Variants in ULK4 observed in about 807,000 individuals in gnomAD.
ULK4 encodes unc-51 like kinase 4, also known as inactive serine/threonine-protein kinase ULK4.
ULK4 carries 133 observed loss-of-function variants against 160.6 expected under a neutral mutation model. The ratio of observed to expected loss-of-function variants is 0.83; its 90% confidence interval spans 0.72 to 0.96. The LOEUF (loss-of-function observed/expected upper bound fraction) is 0.96, where lower values mean the gene tolerates loss of function less well. Among genes scored for constraint, ULK4 ranks in the 40% least tolerant of loss-of-function variants. The pLI is 0.00. For synonymous variants in ULK4, 534 were observed against 539.8 expected, an observed-to-expected ratio of 0.99 and a Z score of 0.15; for missense variants, 1,580 against 1,499.5, an observed-to-expected ratio of 1.05 and a Z score of -0.89.
At chr3:41,880,905 AG>A (rs1188522830) in intron 17 of ULK4, among the ~76,000 whole-genome samples, 2 of 152,048 alleles carry the variant, frequency 1.3e-5, no homozygotes, top group Non-Finnish European at 2.9e-5. Flanking sequence ...CCTGGGCAAC[AG>A]AGCGAGACTC....
intron 12 of ULK4, among the ~76,000 whole-genome samples, chr3:41,901,557 C>G (rs1396842347): frequency 7.0e-6 from 1 of 142,030 alleles, no homozygotes; most frequent in African/African-American, 2.5e-5. Flanking sequence ...CTCAGCTCAC[C>G]GCAACCTCTG....
intron 17 of ULK4, among the ~76,000 whole-genome samples, chr3:41,864,101 T>A (rs939547996): frequency 6.6e-6 from 1 of 152,088 alleles, no homozygotes; most frequent in South Asian, 2.1e-4. Context: ...GTGGTACGAT[T>A]TGCAGGAACT....
At chr3:41,372,669 C>T (rs997244026) in intron 35 of ULK4, among the ~76,000 whole-genome samples, 1 of 152,164 alleles carries the variant, frequency 6.6e-6, no homozygotes, top group East Asian at 1.9e-4. Context: ...AAAGCCAGTA[C>T]CAGCCACTGC....
chr3:41,575,046 T>A (rs1386806700), intron 31 of ULK4, among the ~76,000 whole-genome samples: 8 of 152,182 alleles, frequency 5.3e-5, no homozygotes, highest in Non-Finnish European at 1.2e-4. Flanking sequence ...AGACAGCAGA[T>A]GCAGGGGTGT....
intron 27 of ULK4, among the ~76,000 whole-genome samples, chr3:41,701,345 CA>C (rs2036669609): frequency 6.6e-6 from 1 of 152,124 alleles, no homozygotes; most frequent in South Asian, 2.1e-4. Context: ...ACCCAAGGGA[CA>C]AAAACAGAGA....
At chr3:41,689,768 G>A (rs376929826) in intron 27 of ULK4, among the ~76,000 whole-genome samples, 262 of 152,148 alleles carry the variant, frequency 1.7e-3, no homozygotes, top group Middle Eastern at 0.01. Context: ...TTAGAATGGT[G>A]ATCATTAAAA....
intron 34 of ULK4, among the ~76,000 whole-genome samples, chr3:41,447,540 C>T (rs2083328535): frequency 6.6e-6 from 1 of 152,106 alleles, no homozygotes; most frequent in Admixed American, 6.6e-5. Context: ...ATCTGCAGTT[C>T]CGGGGCCTTT....
At chr3:41,828,455 A>G (rs2041451887) in intron 18 of ULK4, among the ~76,000 whole-genome samples, 1 of 143,532 alleles carries the variant, frequency 7.0e-6, no homozygotes. Context: ...GCAAAGTCTC[A>G]GGATACAAAA....
At chr3:41,437,841 T>C (rs1336810410) in intron 34 of ULK4, among the ~76,000 whole-genome samples, 1 of 152,068 alleles carries the variant, frequency 6.6e-6, no homozygotes, top group Admixed American at 6.5e-5. Flanking sequence ...CTTGAAGGGA[T>C]ATAAGGGAGA....
intron 21 of ULK4, among the ~76,000 whole-genome samples, chr3:41,771,835 T>C (rs572048639): frequency 7.9e-5 from 12 of 152,322 alleles, no homozygotes; most frequent in Non-Finnish European, 1.2e-4. Flanking sequence ...GTTTCAAACA[T>C]ACAATAGAGT....
chr3:41,586,335 AT>A (rs915861980), intron 31 of ULK4, among the ~76,000 whole-genome samples: 3 of 152,172 alleles, frequency 2.0e-5, no homozygotes, highest in Non-Finnish European at 4.4e-5. Context: ...AAGTGTTGTT[AT>A]TTGCAACAAC....
At position 41,353,374 on chromosome 3, in the gene ULK4, T is replaced by C. The variant is rs186397246; in HGVS notation, c.3678+44705A>G. Among the ~76,000 whole-genome samples the C allele has an allele frequency of 1.9e-3, 286 of 152,206 alleles. 1 individual carries two copies. The highest frequency in any genetic ancestry group is 3.4e-3 in the Non-Finnish European group (233 of 68,014). On this transcript the variant is annotated intron_variant, in intron 35 of 36. Coordinates refer to ENST00000301831, the MANE Select transcript of ULK4 (RefSeq NM_017886.4). ...CAGTAGAACGTTAACATAAAGCCAA[T>C]AATGACTAAAGTAGGTTGGGTGTGG...
At chr3:41,417,289 A>G (rs1329708335) in intron 34 of ULK4, among the ~76,000 whole-genome samples, 1 of 152,196 alleles carries the variant, frequency 6.6e-6, no homozygotes, top group Non-Finnish European at 1.5e-5. Flanking sequence ...GGGTCTAGTA[A>G]GGAGAGATCA....
intron 27 of ULK4, among the ~76,000 whole-genome samples, chr3:41,689,272 C>T (rs1446720226): frequency 6.6e-6 from 1 of 152,140 alleles, no homozygotes; most frequent in Non-Finnish European, 1.5e-5. Flanking sequence ...GATTTCTACC[C>T]ACCAGTGTAA....
chr3:41,851,053 T>C (rs1450971903), intron 17 of ULK4, among the ~76,000 whole-genome samples: 6 of 152,226 alleles, frequency 3.9e-5, no homozygotes, highest in Non-Finnish European at 5.9e-5. Context: ...CTTTTCCTAA[T>C]TGAATACCCT....
chr3:41,770,984 C>T lies in ULK4; in HGVS notation c.2194-16496G>A, dbSNP rs927905362. 2.6e-5 allele frequency among the ~76,000 whole-genome samples: 4 copies of T among 152,222 alleles called. No individual in the cohort carries two copies. In the East Asian group the frequency reaches 5.8e-4, roughly 22 times the overall value. ...AAACAACTATGGCTACAGTCATCCA[C>T]GAAGACCTGTAGATTGAAAGATGAC... On this transcript the variant is annotated intron_variant, in intron 21 of 36. Transcript: ENST00000301831.
intron 32 of ULK4, among the ~76,000 whole-genome samples, chr3:41,520,192 C>G (rs9866500): frequency 0.31 from 47,722 of 151,942 alleles, 7,718 homozygotes; most frequent in African/African-American, 0.33. Flanking sequence ...AATCTCTGTA[C>G]CCACTAAACT....
In ULK4 at chr3:41,538,280, T is replaced by C. The variant is rs2086580010; in HGVS notation, c.3226+27745A>G. On this transcript the variant is annotated intron_variant, in intron 32 of 36. Coordinates refer to ENST00000301831, the MANE Select transcript of ULK4 (RefSeq NM_017886.4). ...TAAAAGATGCATCTTCAATGTGAGA[T>C]TAAGGACTATATCACAAAAAGTTTT... is the stretch of plus-strand genomic sequence containing the variant. Among the ~76,000 whole-genome samples, 3 of 152,258 alleles carry C rather than the reference T, an allele frequency of 2.0e-5. No individual in the cohort carries two copies. The South Asian group carries it at 6.2e-4, about 32-fold the overall frequency.
chr3:41,795,341 T>C (rs1250384112), intron 20 of ULK4, among the ~76,000 whole-genome samples: 1 of 152,226 alleles, frequency 6.6e-6, no homozygotes, highest in Non-Finnish European at 1.5e-5. Flanking sequence ...CCTTTTGTTA[T>C]TAGCAGGAAT....
Sources: allele counts gnomAD v4.1 joint callset (sites outside exome capture counted in the v4.1 genomes callset), GRCh38; gene constraint gnomAD v4.1.1; transcripts MANE v1.5; gene names NCBI Gene and HGNC (gene_info 2026-07-23, HGNC 2026-07-21).